Variants in LRRC28 observed in about 807,000 individuals in gnomAD.
LRRC28 encodes the protein leucine rich repeat containing 28, also known as leucine-rich repeat-containing protein 28.
A neutral mutation model predicts 45.7 loss-of-function variants in LRRC28; 39 were observed. The observed-to-expected ratio is 0.85, with a 90% CI of 0.66 to 1.12. The LOEUF is 1.12. Among genes scored for constraint, LRRC28 ranks in the 50% most tolerant of loss-of-function variants. The pLI, the probability that LRRC28 is intolerant of heterozygous loss-of-function variation, is 0.00. For synonymous variants in LRRC28, 206 were observed against 178.8 expected, an observed-to-expected ratio of 1.15 and a Z score of -1.22; for missense variants, 435 against 438.5, an observed-to-expected ratio of 0.99 and a Z score of 0.07.
intron 3 of LRRC28, among the ~76,000 whole-genome samples, chr15:99,283,543 G>C (rs2081870012): frequency 6.8e-6 from 1 of 148,064 alleles, no homozygotes; most frequent in Non-Finnish European, 1.5e-5. Context: ...TTGTACCCAG[G>C]AGGCAGAGGT....
At chr15:99,368,754 T>C (rs1399481205) in intron 9 of LRRC28, among the ~76,000 whole-genome samples, 1 of 152,212 alleles carries the variant, frequency 6.6e-6, no homozygotes, top group Admixed American at 6.5e-5. Flanking sequence ...CTAATCTGTT[T>C]GCAAACCATT....
chr15:99,296,200 G>A (rs112155421), intron 5 of LRRC28, among the ~76,000 whole-genome samples: 1 of 152,174 alleles, frequency 6.6e-6, no homozygotes, highest in Non-Finnish European at 1.5e-5. Context: ...TACAAGCCTG[G>A]GCACAGATGC....
In LRRC28 at chr15:99,386,188, C is replaced by A; in HGVS notation, c.*86C>A. ...GCACACTCTTCCATCCTGTCCTGTCCAATGCGGGGGCACTGCAGAACTCTC... is the reference window on the plus strand; with the variant it reads ...GCACACTCTTCCATCCTGTCCTGTCAAATGCGGGGGCACTGCAGAACTCTC... On this transcript the variant is annotated 3_prime_UTR_variant, in exon 10 of 10. Coordinates refer to ENST00000301981, the MANE Select transcript of LRRC28 (RefSeq NM_144598.5). The A allele has an allele frequency of 9.5e-7, 1 of 1,053,046 alleles. No homozygotes were observed. The highest frequency in any genetic ancestry group is 1.5e-6 in the Non-Finnish European group (1 of 670,892). 65.2% of individuals were successfully genotyped at this position (1,053,046 alleles called of 1,614,324 possible).
chr15:99,339,980 C>T (rs1011060853), intron 6 of LRRC28, among the ~76,000 whole-genome samples: 1 of 152,128 alleles, frequency 6.6e-6, no homozygotes, highest in Non-Finnish European at 1.5e-5. Context: ...TGAAAAATAT[C>T]AAATATAAAT....
intron 6 of LRRC28, among the ~76,000 whole-genome samples, chr15:99,349,290 G>T (rs1257080655): frequency 1.3e-5 from 2 of 152,038 alleles, no homozygotes; most frequent in African/African-American, 4.8e-5. Context: ...TCTAGTCTTA[G>T]AGATCTTTTT....
chr15:99,357,322 C>A (rs1261670116), intron 7 of LRRC28, among the ~76,000 whole-genome samples: 2 of 152,122 alleles, frequency 1.3e-5, no homozygotes, highest in African/African-American at 4.8e-5. Flanking sequence ...TCATATGTAC[C>A]AAATACACAA....
chr15:99,257,757 A>C (rs1287852839), intron 2 of LRRC28: 1 of 774,066 alleles, frequency 1.3e-6, no homozygotes, highest in East Asian at 2.4e-5. Context: ...ACAAGGCTCA[A>C]GGATGGATGA....
At chr15:99,293,787 A>AT (rs2152227009) in intron 5 of LRRC28, among the ~76,000 whole-genome samples, 1 of 151,868 alleles carries the variant, frequency 6.6e-6, no homozygotes, top group East Asian at 1.9e-4. Context: ...GCACCTGGCC[A>AT]TTTTTTCCTC....
intron 3 of LRRC28, among the ~76,000 whole-genome samples, chr15:99,280,012 T>C (rs2081738493): frequency 6.6e-6 from 1 of 152,180 alleles, no homozygotes; most frequent in South Asian, 2.1e-4. Context: ...TGGATAGATA[T>C]GTGGTTTTTA....
At chr15:99,381,941 A>C (rs182894867) in intron 9 of LRRC28, among the ~76,000 whole-genome samples, 245 of 152,286 alleles carry the variant, frequency 1.6e-3, no homozygotes, top group African/African-American at 5.8e-3. Flanking sequence ...GTCTGCCCCT[A>C]CTGGAGGGTG....
chr15:99,380,687 A>G (rs1434905820), intron 9 of LRRC28, among the ~76,000 whole-genome samples: 2 of 152,130 alleles, frequency 1.3e-5, no homozygotes, highest in Non-Finnish European at 2.9e-5. Flanking sequence ...GTTCCTGTCC[A>G]TGTTTAGTGC....
At chr15:99,346,004 C>G (rs1223593634) in intron 6 of LRRC28, among the ~76,000 whole-genome samples, 1 of 151,858 alleles carries the variant, frequency 6.6e-6, no homozygotes, top group Admixed American at 6.6e-5. Flanking sequence ...TTTTTTTTAG[C>G]AGGGTCTCGC....
At chr15:99,363,307 AG>A in intron 9 of LRRC28, 42 bp downstream of exon 9, 1 of 1,604,076 alleles carries the variant, frequency 6.2e-7, no homozygotes. Context: ...CACCCAGGCA[AG>A]GGGTGGCAGG....
chr15:99,358,922 A>G (rs1376606532), intron 7 of LRRC28, among the ~76,000 whole-genome samples: 1 of 152,090 alleles, frequency 6.6e-6, no homozygotes, highest in African/African-American at 2.4e-5. Context: ...TACTACAAAT[A>G]CAAACTAACC....
Position 99,388,746 on chromosome 15 carries a change from CAAT to C in LRRC28, c.*2649_*2651del, listed in dbSNP as rs1165479900. On this transcript the variant is annotated 3_prime_UTR_variant, in exon 10 of 10. Transcript: ENST00000301981. ...TACACTAGGTAGAAAAGTATTCACACAATAATAGTAATGCAAAAAAAGTGAGCT... is the reference window on the plus strand; with the variant it reads ...TACACTAGGTAGAAAAGTATTCACACAATAGTAATGCAAAAAAAGTGAGCT... 6.6e-6 allele frequency: 1 copy of C among 152,158 alleles called. No individual in the cohort carries two copies. The highest frequency in any genetic ancestry group is 1.5e-5 in the Non-Finnish European group (1 of 68,032). The allele number at this position is 152,158 out of a possible 1,614,324, so 9.4% of individuals were successfully genotyped here.
At chr15:99,319,264 C>G (rs1419328525) in intron 5 of LRRC28, among the ~76,000 whole-genome samples, 1 of 152,030 alleles carries the variant, frequency 6.6e-6, no homozygotes, top group Non-Finnish European at 1.5e-5. Flanking sequence ...AGAAAAAAGC[C>G]TCCCTAGAAG....
chr15:99,339,543 C>G (rs1956435699), intron 6 of LRRC28, among the ~76,000 whole-genome samples: 2 of 152,076 alleles, frequency 1.3e-5, no homozygotes. Flanking sequence ...CCAGCCTGGC[C>G]AAGATGGTGA....
chr15:99,303,649 C>T (rs1955065746), intron 5 of LRRC28, among the ~76,000 whole-genome samples: 1 of 152,026 alleles, frequency 6.6e-6, no homozygotes, highest in South Asian at 2.1e-4. Flanking sequence ...GCCTGGCCAA[C>T]ATGGTGAAAC....
chr15:99,297,776 T>C (rs2082303616), intron 5 of LRRC28, among the ~76,000 whole-genome samples: 3 of 151,914 alleles, frequency 2.0e-5, no homozygotes. Context: ...ATAGATAAAC[T>C]ATCAGCTATT....
Sources: gnomAD v4.1 joint callset for allele counts (sites outside exome capture counted in the v4.1 genomes callset) on GRCh38, gnomAD v4.1.1 for gene constraint, MANE v1.5 for transcripts, NCBI Gene and HGNC (gene_info 2026-07-23, HGNC 2026-07-21) for gene names.